The following L3MBTL4 variants were observed in gnomAD, a reference collection of about 807,000 sequenced individuals.
L3MBTL4 encodes the protein lethal(3)malignant brain tumor-like protein 4.
A neutral mutation model predicts 84.5 loss-of-function variants in L3MBTL4; 70 were observed. The observed-to-expected ratio is 0.83, with a 90% confidence interval of 0.68 to 1.01. L3MBTL4 has a LOEUF of 1.01. Among genes scored for constraint, L3MBTL4 ranks in the 50% least tolerant of loss-of-function variants. The pLI, the probability that L3MBTL4 is intolerant of heterozygous loss-of-function variation, is 0.00. For missense variants in L3MBTL4, 715 were observed against 754.8 expected (o/e 0.95, Z 0.62); for synonymous variants, 274 against 259.8 (o/e 1.05, Z -0.52).
At chr18:6,116,825 G>A (rs560227747) in intron 14 of L3MBTL4, among the ~76,000 whole-genome samples, 1 of 152,282 alleles carries the variant, frequency 6.6e-6, no homozygotes, top group African/African-American at 2.4e-5. Context: ...CAGCATCATG[G>A]TCAAGAAACT....
intron 3 of L3MBTL4, among the ~76,000 whole-genome samples, chr18:6,311,055 C>A (rs1398542596): frequency 6.6e-6 from 1 of 152,102 alleles, no homozygotes; most frequent in African/African-American, 2.4e-5. Context: ...TCAGGCTGCC[C>A]TGCATATTTC....
At chr18:6,360,109 C>T (rs2053618443) in intron 1 of L3MBTL4, among the ~76,000 whole-genome samples, 1 of 152,150 alleles carries the variant, frequency 6.6e-6, no homozygotes, top group South Asian at 2.1e-4. Flanking sequence ...GTGGCTCATG[C>T]CTATAATCCC....
At chr18:6,371,815 A>T (rs1939830326) in intron 1 of L3MBTL4, among the ~76,000 whole-genome samples, 1 of 152,262 alleles carries the variant, frequency 6.6e-6, no homozygotes, top group Admixed American at 6.5e-5. Flanking sequence ...GTAAGAAATC[A>T]TTATTTTAAT....
intron 16 of L3MBTL4, among the ~76,000 whole-genome samples, chr18:5,972,895 AAT>A (rs1555620380): frequency 0.21 from 1,348 of 6,306 alleles, 88 homozygotes; most frequent in East Asian, 0.49. Context: ...AACAGAAGAG[AAT>A]AGAATAGAAT....
intron 14 of L3MBTL4, among the ~76,000 whole-genome samples, chr18:6,102,776 C>A (rs1319884950): frequency 6.6e-6 from 1 of 152,200 alleles, no homozygotes; most frequent in Non-Finnish European, 1.5e-5. Flanking sequence ...AATGTCTGCT[C>A]AAGTACCAAA....
Position 6,322,441 on chromosome 18 carries a change from G to A in L3MBTL4, c.-90-10385C>T, listed in dbSNP as rs369640581. 2.1e-5 allele frequency among the ~76,000 whole-genome samples: 3 copies of A among 144,630 alleles called. No individual in the cohort carries two copies. In the East Asian group the frequency reaches 6.2e-4, roughly 30 times the overall value. The allele number at this position is 144,630 out of a possible 152,430, so 94.9% of individuals were successfully genotyped here. A position where few individuals can be genotyped will look rare whatever the true frequency, so the allele number is the denominator to read the frequency against. ...GAGAATGGAGGCAGGGAGGGAGGAA[G>A]GAAAGAAGGAAGGATGGAAGGAAGG... On this transcript the variant is annotated intron_variant, in intron 1 of 18. Transcript: ENST00000317931.
Position 6,386,547 on chromosome 18 carries a change from A to G in L3MBTL4, c.-91+28254T>C, listed in dbSNP as rs112682231. ...AACTGAAAACAGAACCTAAAGAAAC[A>G]CACAGATAATCCATATGCCAGGTTG... On this transcript the variant is annotated intron_variant, in intron 1 of 18. Coordinates refer to ENST00000317931, the MANE Select transcript of L3MBTL4 (RefSeq NM_001330559.2). Among the ~76,000 whole-genome samples, 1,397 of 152,318 alleles carry G rather than the reference A, an allele frequency of 9.2e-3. 25 individuals are homozygous for G. The highest frequency in any genetic ancestry group is 0.032 in the African/African-American group (1,348 of 41,556).
intron 15 of L3MBTL4, among the ~76,000 whole-genome samples, chr18:6,084,455 G>A (rs1014538028): frequency 3.9e-5 from 6 of 152,032 alleles, no homozygotes; most frequent in South Asian, 2.1e-4. Flanking sequence ...AAAAACACAC[G>A]GAATGTGATT....
At chr18:6,058,327 C>T (rs1331980419) in intron 16 of L3MBTL4, among the ~76,000 whole-genome samples, 1 of 152,172 alleles carries the variant, frequency 6.6e-6, no homozygotes, top group Non-Finnish European at 1.5e-5. Context: ...AACCTTCTAC[C>T]TAACACTTTT....
At chr18:6,228,381 AAATT>A (rs1481635065) in intron 10 of L3MBTL4, among the ~76,000 whole-genome samples, 1 of 152,182 alleles carries the variant, frequency 6.6e-6, no homozygotes, top group Admixed American at 6.5e-5. Flanking sequence ...ACTCATTTAA[AAATT>A]AATTAATTGG....
intron 1 of L3MBTL4, among the ~76,000 whole-genome samples, chr18:6,350,143 C>T (rs1415903277): frequency 6.6e-6 from 1 of 152,008 alleles, no homozygotes; most frequent in Non-Finnish European, 1.5e-5. Context: ...ATAGCTGAAA[C>T]TATAAAACTC....
At chr18:6,132,986 A>T (rs2059919824) in intron 14 of L3MBTL4, among the ~76,000 whole-genome samples, 1 of 152,212 alleles carries the variant, frequency 6.6e-6, no homozygotes, top group Non-Finnish European at 1.5e-5. Flanking sequence ...GTTCCACGGG[A>T]GGGGTATCAG....
intron 16 of L3MBTL4, among the ~76,000 whole-genome samples, chr18:5,997,591 T>C (rs1168589230): frequency 5.9e-5 from 9 of 152,206 alleles, no homozygotes; most frequent in Admixed American, 5.9e-4. Flanking sequence ...TTGTCTCTTA[T>C]CTAGCTGGAA....
chr18:6,318,494 T>TAAAAAAAAAAAAAAAAAAAAAAAAAAAAG (rs2051227087), intron 1 of L3MBTL4, among the ~76,000 whole-genome samples: 1 of 14,200 alleles, frequency 7.0e-5, no homozygotes, highest in Non-Finnish European at 1.3e-4. Flanking sequence ...ACAACAATAG[T>TAAAAAAAAAAAAAAAAAAAAAAAAAAAAG]AAAAAAAAAA....
In L3MBTL4 at chr18:6,093,673, C is replaced by A. The variant is rs28758515; in HGVS notation, c.1200-145G>T. ...CCTGAGCACACTCAAATAATAGTTT[C>A]TTTTCATATTGCCTTTTGAGAAAAT... On this transcript the variant is annotated intron_variant, in intron 14 of 18. Transcript: ENST00000317931. 0.012 allele frequency: 7,466 copies of A among 619,452 alleles called. 442 individuals carry two copies. In the African/African-American group the frequency reaches 0.13, roughly 11 times the overall value. 38.4% of individuals were successfully genotyped at this position (619,452 alleles called of 1,614,324 possible).
At chr18:6,123,062 G>A (rs2059578069) in intron 14 of L3MBTL4, among the ~76,000 whole-genome samples, 1 of 152,206 alleles carries the variant, frequency 6.6e-6, no homozygotes, top group Middle Eastern at 3.4e-3. Flanking sequence ...TAATGGAAGG[G>A]TCATTAATCT....
intron 5 of L3MBTL4, among the ~76,000 whole-genome samples, chr18:6,252,920 G>A (rs2047986151): frequency 6.6e-6 from 1 of 152,124 alleles, no homozygotes; most frequent in Admixed American, 6.5e-5. Context: ...AAAACCCCCT[G>A]GGGCCGGGTG....
At chr18:5,984,880 T>A (rs990953214) in intron 16 of L3MBTL4, among the ~76,000 whole-genome samples, 2 of 152,122 alleles carry the variant, frequency 1.3e-5, no homozygotes, top group Non-Finnish European at 2.9e-5. Context: ...AGATTATTGG[T>A]CAAAATCATT....
intron 1 of L3MBTL4, among the ~76,000 whole-genome samples, chr18:6,357,211 T>G (rs527255567): frequency 6.6e-6 from 1 of 152,170 alleles, no homozygotes; most frequent in Non-Finnish European, 1.5e-5. Context: ...AGAAACTCCA[T>G]TTATCTTGAA....
Sources: gnomAD v4.1 joint callset for allele counts (sites outside exome capture counted in the v4.1 genomes callset) on GRCh38, gnomAD v4.1.1 for gene constraint, MANE v1.5 for transcripts, NCBI Gene and HGNC (gene_info 2026-07-23, HGNC 2026-07-21) for gene names.